HAUS6: variants seen among roughly 807,000 people sequenced by gnomAD.
The protein encoded by HAUS6 is HAUS augmin like complex subunit 6.
HAUS6 carries 80 observed loss-of-function variants against 106.8 expected under a neutral mutation model. The ratio of observed to expected loss-of-function variants is 0.75; its 90% CI spans 0.63 to 0.90. The LOEUF (loss-of-function observed/expected upper bound fraction) is 0.90. Ranked by LOEUF, HAUS6 falls within the 40% of genes least tolerant of loss-of-function variation. The probability of loss-of-function intolerance (pLI) is 0.00; values close to 1 mark genes in which losing one functional copy is unlikely to be tolerated. For synonymous variants in HAUS6, 356 were observed against 379.1 expected (o/e 0.94, Z 0.71); for missense variants, 1,155 against 1,118.1 (o/e 1.03, Z -0.47).
rs1463392858 is a variant in HAUS6 at position 19,070,286 on chromosome 9, G to A, written c.1309C>T (p.His437Tyr). The part of the protein sequence containing the change: ...PASLPDAHKQ[H>Y]NQENGCRGDS... ...CCTCTGCAACCATTTTCTTGGTTAT[G>A]TTGCTTATGTGCATCTAAAGAAATT... is the stretch of plus-strand genomic sequence containing the variant. Residue 437 changes from histidine to tyrosine, a missense_variant, in exon 12 of 17, where the codon CAT becomes TAT. His to Tyr is a moderately conservative substitution (Grantham distance 83). Transcript: ENST00000380502. 1.1e-5 allele frequency: 18 copies of A among 1,581,618 alleles called. No homozygotes were observed. In the East Asian group the frequency reaches 2.7e-4, roughly 24 times the overall value.
At chr9:19,062,834 T>G (rs1337309986) in intron 14 of HAUS6, among the ~76,000 whole-genome samples, 174 bp downstream of exon 14, 1 of 152,184 alleles carries the variant, frequency 6.6e-6, no homozygotes, top group Non-Finnish European at 1.5e-5. Context: ...CTCAACTGTT[T>G]TTTTAATTTT....
chr9:19,054,879 A>G lies in HAUS6; in HGVS notation c.*1464T>C, dbSNP rs1298640475. 6.6e-6 allele frequency: 1 copy of G among 152,250 alleles called. No individual in the cohort carries two copies. The highest frequency in any genetic ancestry group is 6.5e-5 in the Admixed American group (1 of 15,290). 9.4% of individuals were successfully genotyped at this position (152,250 alleles called of 1,614,324 possible). ...GCAGATGCTGATAAGACAGTATCAC[A>G]TGCTAAGTTAAGATTTTCAGATACT... On this transcript the variant is annotated 3_prime_UTR_variant, in exon 17 of 17. Coordinates refer to ENST00000380502, the MANE Select transcript of HAUS6 (RefSeq NM_017645.5).
At chr9:19,067,717 T>C (rs1836792315) in intron 12 of HAUS6, among the ~76,000 whole-genome samples, 2 of 152,258 alleles carry the variant, frequency 1.3e-5, no homozygotes, top group Admixed American at 1.3e-4. Context: ...AGATAGAGTT[T>C]CACTCTTGTT....
At position 19,057,944 on chromosome 9, in the gene HAUS6, G is replaced by C. The variant is rs531367195; in HGVS notation, c.2806+17C>G. The C allele has an allele frequency of 2.6e-5, 39 of 1,472,690 alleles. No homozygotes were observed. In the South Asian group the frequency reaches 4.2e-4, roughly 16 times the overall value. 91.2% of individuals were successfully genotyped at this position (1,472,690 alleles called of 1,614,324 possible). ...AACTTCAACAGGTGAATATGCATAG[G>C]TCTATTTAAACCTTACCCTTTAAAT... On this transcript the variant is annotated intron_variant, in intron 16 of 16. Transcript: ENST00000380502.
chr9:19,074,557 C>G (rs747932982), intron 11 of HAUS6, among the ~76,000 whole-genome samples: 41 of 152,118 alleles, frequency 2.7e-4, no homozygotes, highest in Non-Finnish European at 4.0e-4. Context: ...TAGGTGTGAG[C>G]TGCTATGCCC....
chr9:19,068,958 G>A (rs1326086568), intron 12 of HAUS6, among the ~76,000 whole-genome samples: 1 of 152,060 alleles, frequency 6.6e-6, no homozygotes, highest in Non-Finnish European at 1.5e-5. Flanking sequence ...TGTTAAATCT[G>A]GTGGTTATAG....
At chr9:19,099,211 G>C (rs891900714) in intron 1 of HAUS6, among the ~76,000 whole-genome samples, 1 of 150,084 alleles carries the variant, frequency 6.7e-6, no homozygotes, top group Non-Finnish European at 1.5e-5. Context: ...CTGTCCCCCA[G>C]GCTGGAGTGC....
chr9:19,065,977 C>G (rs1220387975), intron 12 of HAUS6, among the ~76,000 whole-genome samples: 2 of 150,448 alleles, frequency 1.3e-5, no homozygotes, highest in African/African-American at 4.9e-5. Flanking sequence ...ACTCTGTCGC[C>G]CACACTGGAG....
chr9:19,075,313 A>G (rs1231584575), intron 11 of HAUS6, among the ~76,000 whole-genome samples: 2 of 152,232 alleles, frequency 1.3e-5, no homozygotes, highest in Non-Finnish European at 2.9e-5. Flanking sequence ...AATTGTGATG[A>G]TGGTTGCACA....
At chr9:19,073,122 C>A (rs1836914260) in intron 11 of HAUS6, among the ~76,000 whole-genome samples, 1 of 152,030 alleles carries the variant, frequency 6.6e-6, no homozygotes, top group South Asian at 2.1e-4. Context: ...GTGATTACCT[C>A]TGTGAAATCA....
At chr9:19,089,625 G>T in intron 4 of HAUS6, 66 bp from the exon 5 acceptor site, 1 of 1,186,370 alleles carries the variant, frequency 8.4e-7, no homozygotes, top group South Asian at 1.4e-5. Context: ...TATCAGAAAT[G>T]AACATTAGTG....
Position 19,082,980 on chromosome 9 carries a change from C to A in HAUS6, c.763G>T (p.Val255Phe), listed in dbSNP as rs1474375721. Residue 255 changes from valine (V) to phenylalanine (F), a missense_variant, in exon 8 of 17, where the codon GTT (valine) becomes TTT (phenylalanine). Val to Phe is a conservative substitution (Grantham distance 50, BLOSUM62 -1). Coordinates refer to ENST00000380502, the MANE Select transcript of HAUS6 (RefSeq NM_017645.5). Reference sequence around the variant, plus strand: ...TTAACAAGACTAAGGACCGAACTAACAACTTCTCTCTCTTTTTCCAAAAAC... The same window carrying A: ...TTAACAAGACTAAGGACCGAACTAAAAACTTCTCTCTCTTTTTCCAAAAAC... The part of the protein sequence containing the change: ...LMFLEKEREV[V>F]SSVLSLVNQY... The A allele has an allele frequency of 1.3e-6, 2 of 1,581,680 alleles. No homozygotes were observed. The highest frequency in any genetic ancestry group is 2.3e-5 in the South Asian group (2 of 87,026).
intron 4 of HAUS6, among the ~76,000 whole-genome samples, chr9:19,089,903 G>C (rs1256840979): frequency 2.0e-5 from 3 of 152,104 alleles, no homozygotes; most frequent in African/African-American, 7.2e-5. Flanking sequence ...CACAAGCATA[G>C]GTCACTGCAG....
At chr9:19,084,942 T>C in intron 7 of HAUS6, among the ~76,000 whole-genome samples, 1 of 151,866 alleles carries the variant, frequency 6.6e-6, no homozygotes, top group African/African-American at 2.4e-5. Context: ...TTTTTTTTCT[T>C]TTTTAAGACG....
intron 12 of HAUS6, chr9:19,065,215 A>T (rs548709220): frequency 1.3e-5 from 2 of 152,336 alleles, no homozygotes; most frequent in Admixed American, 6.5e-5. Flanking sequence ...TAAACCTGCT[A>T]ACATCATAAT....
rs1234937292 is a variant in HAUS6 at position 19,092,967 on chromosome 9, TAAAATAATATA to T, written c.436+193_436+203del. On this transcript the variant is annotated intron_variant, in intron 4 of 16. Coordinates refer to ENST00000380502, the MANE Select transcript of HAUS6 (RefSeq NM_017645.5). ...TCCCAACCCTTGTATTAGAACATAA[TAAAATAATATA>T]AATAGTAACTGTGTTTATTATGAGA... 3.4e-5 allele frequency among the ~76,000 whole-genome samples: 5 copies of T among 147,246 alleles called. No homozygotes were observed. The East Asian group carries it at 9.9e-4, about 29-fold the overall frequency.
chr9:19,068,049 A>G (rs1836802283), intron 12 of HAUS6, among the ~76,000 whole-genome samples: 1 of 151,812 alleles, frequency 6.6e-6, no homozygotes, highest in South Asian at 2.1e-4. Flanking sequence ...AAAATCTGCT[A>G]TATATATTAA....
At chr9:19,077,579 G>T (rs957171244) in intron 10 of HAUS6, among the ~76,000 whole-genome samples, 1 of 151,762 alleles carries the variant, frequency 6.6e-6, no homozygotes, top group Non-Finnish European at 1.5e-5. Flanking sequence ...ACAATCCTTC[G>T]AATCTAAAAA....
intron 7 of HAUS6, 51 bp downstream of exon 7, chr9:19,086,683 G>C: frequency 2.5e-6 from 2 of 795,734 alleles, no homozygotes; most frequent in South Asian, 3.0e-5. Context: ...CAAACACTGC[G>C]TATCACAGAA....
Sources: gnomAD v4.1 joint callset for allele counts (sites outside exome capture counted in the v4.1 genomes callset) on GRCh38, gnomAD v4.1.1 for gene constraint, MANE v1.5 for transcripts, NCBI Gene and HGNC (gene_info 2026-07-23, HGNC 2026-07-21) for gene names.